GABRG3: variants seen among roughly 807,000 people sequenced by gnomAD.
GABRG3 encodes gamma-aminobutyric acid type A receptor subunit gamma3.
A neutral mutation model predicts 48.8 loss-of-function variants in GABRG3; 25 were observed. The ratio of observed to expected loss-of-function variants is 0.51; its 90% confidence interval spans 0.37 to 0.72. The LOEUF is 0.72. Ranked by LOEUF, GABRG3 falls within the 30% of genes least tolerant of loss-of-function variation. GABRG3 has a pLI of 0.00. For synonymous variants in GABRG3, 227 were observed against 217.6 expected, an observed-to-expected ratio of 1.04 and a Z score of -0.38; for missense variants, 394 against 577.9, an observed-to-expected ratio of 0.68 and a Z score of 3.26.
intron 3 of GABRG3, among the ~76,000 whole-genome samples, chr15:27,165,172 T>C (rs540842864): frequency 6.6e-6 from 1 of 152,352 alleles, no homozygotes; most frequent in Non-Finnish European, 1.5e-5. Context: ...CTCTCCCAGA[T>C]AATTTTCTTT....
chr15:27,465,380 C>A lies in GABRG3; in HGVS notation c.575-15270C>A, dbSNP rs950081509. Among the ~76,000 whole-genome samples the A allele has an allele frequency of 5.3e-5, 8 of 152,158 alleles. No homozygotes were observed. The East Asian group carries it at 1.5e-3, about 29-fold the overall frequency. On this transcript the variant is annotated intron_variant, in intron 5 of 9. Transcript: ENST00000615808. ...CTCTGCGTGACTAACCCCTTCCTACCAGCTCAGCTGCTTTCCCTCAGGGAA... is the reference window on the plus strand; with the variant it reads ...CTCTGCGTGACTAACCCCTTCCTACAAGCTCAGCTGCTTTCCCTCAGGGAA...
chr15:27,128,738 G>T (rs554656050), intron 3 of GABRG3, among the ~76,000 whole-genome samples: 4 of 152,166 alleles, frequency 2.6e-5, no homozygotes, highest in Non-Finnish European at 4.4e-5. Flanking sequence ...TGACTTATTC[G>T]CAGAGCCCTC....
intron 3 of GABRG3, among the ~76,000 whole-genome samples, chr15:27,270,114 A>C (rs989351836): frequency 6.6e-6 from 1 of 152,208 alleles, no homozygotes. Context: ...TAGAATCCAA[A>C]ATAGCAGGGT....
chr15:27,081,682 G>T (rs1351785967), intron 3 of GABRG3, among the ~76,000 whole-genome samples: 2 of 152,132 alleles, frequency 1.3e-5, no homozygotes, highest in African/African-American at 4.8e-5. Flanking sequence ...GTGGCAGGCA[G>T]GACCGAGTCC....
chr15:27,006,139 G>T (rs1412259379), intron 2 of GABRG3, among the ~76,000 whole-genome samples: 1 of 151,908 alleles, frequency 6.6e-6, no homozygotes, highest in Non-Finnish European at 1.5e-5. Context: ...GCAAAATCTG[G>T]AAAAAGTTTC....
At chr15:27,209,644 C>G (rs1232410111) in intron 3 of GABRG3, among the ~76,000 whole-genome samples, 2 of 152,176 alleles carry the variant, frequency 1.3e-5, no homozygotes, top group Non-Finnish European at 2.9e-5. Flanking sequence ...GTGGGCCTCC[C>G]TGGTCTTATA....
At chr15:27,513,343 G>C (rs186652317) in intron 6 of GABRG3, among the ~76,000 whole-genome samples, 1 of 151,952 alleles carries the variant, frequency 6.6e-6, no homozygotes, top group Non-Finnish European at 1.5e-5. Context: ...CCAGCTACTC[G>C]GGAGGCTGAG....
intron 3 of GABRG3, among the ~76,000 whole-genome samples, chr15:27,056,464 CA>C (rs1401134402): frequency 6.6e-6 from 1 of 151,246 alleles, no homozygotes; most frequent in African/African-American, 2.4e-5. Flanking sequence ...TGAAAATTAA[CA>C]CCAGACAACC....
chr15:27,465,567 G>T (rs981683296), intron 5 of GABRG3, among the ~76,000 whole-genome samples: 2 of 152,188 alleles, frequency 1.3e-5, no homozygotes, highest in East Asian at 3.9e-4. Flanking sequence ...TTTTTGAAAG[G>T]CCAGATGATT....
chr15:27,510,577 T>G (rs73369570), intron 6 of GABRG3, among the ~76,000 whole-genome samples: 22,601 of 152,162 alleles, frequency 0.15, 4,402 homozygotes, highest in African/African-American at 0.45. Flanking sequence ...GATTCTCCTT[T>G]ATCCTCCATT....
intron 3 of GABRG3, among the ~76,000 whole-genome samples, chr15:27,259,116 C>T (rs2140465210): frequency 6.6e-6 from 1 of 152,254 alleles, no homozygotes; most frequent in African/African-American, 2.4e-5. Flanking sequence ...ATGTATACAC[C>T]ACATTTTCTT....
At chr15:26,998,459 A>G (rs547227310) in intron 2 of GABRG3, among the ~76,000 whole-genome samples, 21 of 152,194 alleles carry the variant, frequency 1.4e-4, no homozygotes, top group Non-Finnish European at 2.6e-4. Flanking sequence ...CACAACAGGC[A>G]TTGGGGTGGT....
At chr15:27,113,923 A>G (rs1897598630) in intron 3 of GABRG3, among the ~76,000 whole-genome samples, 1 of 152,180 alleles carries the variant, frequency 6.6e-6, no homozygotes, top group Non-Finnish European at 1.5e-5. Context: ...ATGCTAGGGA[A>G]CCAGCTCATT....
rs183211295 is a variant in GABRG3 at position 27,179,493 on chromosome 15, A to G, written c.271-147316A>G. ...TTTGTGATACAATTTCGCTGGCTTTATGCTTGGTCTGGCTCTGAGAAATTT... is the reference window on the plus strand; with the variant it reads ...TTTGTGATACAATTTCGCTGGCTTTGTGCTTGGTCTGGCTCTGAGAAATTT... On this transcript the variant is annotated intron_variant, in intron 3 of 9. Transcript: ENST00000615808. This position sits in a 1 kb window ranked among gnomAD's most constrained non-coding sequence, Gnocchi z 4.0. Among the ~76,000 whole-genome samples the G allele has an allele frequency of 6.6e-6, 1 of 152,274 alleles. No individual in the cohort carries two copies. Among genetic ancestry groups the G allele is most frequent in the East Asian group, 1.9e-4 (1 of 5,170 alleles).
At chr15:27,459,510 G>T (rs1889386244) in intron 5 of GABRG3, among the ~76,000 whole-genome samples, 1 of 152,216 alleles carries the variant, frequency 6.6e-6, no homozygotes, top group Non-Finnish European at 1.5e-5. Context: ...CAGATCTCAT[G>T]TGCTCATATT....
intron 2 of GABRG3, among the ~76,000 whole-genome samples, chr15:27,004,461 G>A (rs1024843447): frequency 1.7e-4 from 26 of 150,746 alleles, no homozygotes; most frequent in Admixed American, 9.9e-4. Context: ...CCCACTTTCC[G>A]GACTGGGCAG....
intron 3 of GABRG3, among the ~76,000 whole-genome samples, chr15:27,317,679 A>G (rs1182079245): frequency 6.6e-6 from 1 of 152,240 alleles, no homozygotes; most frequent in Admixed American, 6.5e-5. Flanking sequence ...ATGGTCACCG[A>G]CTGTGACCAA....
At chr15:27,231,445 G>C (rs1370000348) in intron 3 of GABRG3, among the ~76,000 whole-genome samples, 1 of 152,218 alleles carries the variant, frequency 6.6e-6, no homozygotes, top group African/African-American at 2.4e-5. Context: ...GTTGTGAGCG[G>C]GGTAGGGAGA....
At chr15:27,252,390 C>T (rs1040166087) in intron 3 of GABRG3, among the ~76,000 whole-genome samples, 5 of 152,166 alleles carry the variant, frequency 3.3e-5, no homozygotes, top group African/African-American at 4.8e-5. Context: ...CTAAGCAGGA[C>T]GTCCTGTATG....
Sources: allele counts gnomAD v4.1 joint callset (sites outside exome capture counted in the v4.1 genomes callset), GRCh38; gene constraint gnomAD v4.1.1; non-coding constraint Gnocchi (gnomAD v3.1); transcripts MANE v1.5; gene names NCBI Gene and HGNC (gene_info 2026-07-23, HGNC 2026-07-21).